ABHD17B: variants seen among roughly 807,000 people sequenced by gnomAD.
ABHD17B encodes the protein abhydrolase domain containing 17B, depalmitoylase, also known as alpha/beta hydrolase domain-containing protein 17B.
Under a neutral mutation model 26.2 loss-of-function variants are expected in ABHD17B, and 9 were observed. The ratio of observed to expected loss-of-function variants is 0.34; its 90% CI spans 0.21 to 0.60. ABHD17B has a LOEUF of 0.60. Among genes scored for constraint, ABHD17B ranks in the 20% least tolerant of loss-of-function variants. ABHD17B has a pLI of 0.80. For synonymous variants in ABHD17B, 127 were observed against 122.3 expected (o/e 1.04, Z -0.25); for missense variants, 224 against 352.1 (o/e 0.64, Z 2.91).
chr9:71,884,685 T>C (rs1305103589), intron 1 of ABHD17B, among the ~76,000 whole-genome samples: 5 of 149,622 alleles, frequency 3.3e-5, no homozygotes, highest in Admixed American at 6.7e-5. Context: ...CCTATGCTCA[T>C]AGATTGATGG....
intron 1 of ABHD17B, among the ~76,000 whole-genome samples, chr9:71,902,770 G>T (rs1180138429): frequency 1.3e-5 from 2 of 152,122 alleles, no homozygotes; most frequent in African/African-American, 4.8e-5. Flanking sequence ...ACAGTAATCA[G>T]AAACAAAATA....
intron 1 of ABHD17B, among the ~76,000 whole-genome samples, chr9:71,891,042 C>T (rs1245656146): frequency 6.6e-6 from 1 of 152,106 alleles, no homozygotes; most frequent in South Asian, 2.1e-4. Context: ...CCCCCCACCC[C>T]CTTACCCAAA....
chr9:71,862,887 C>T (rs1173255856), downstream of ABHD17B, among the ~76,000 whole-genome samples: 1 of 152,072 alleles, frequency 6.6e-6, no homozygotes, highest in Non-Finnish European at 1.5e-5. Context: ...GGTCCTCCCA[C>T]CTCAGACTCT....
intron 1 of ABHD17B, among the ~76,000 whole-genome samples, chr9:71,884,948 AG>A (rs779791728): frequency 6.6e-6 from 1 of 152,198 alleles, no homozygotes; most frequent in Non-Finnish European, 1.5e-5. Flanking sequence ...ACTATTACTT[AG>A]GTTTTTCATA....
chr9:71,895,633 C>G (rs1034580381), intron 1 of ABHD17B, among the ~76,000 whole-genome samples: 3 of 152,170 alleles, frequency 2.0e-5, no homozygotes, highest in African/African-American at 7.2e-5. Flanking sequence ...CTCTGAAACA[C>G]CAATCTGTCA....
At chr9:71,882,815 T>C (rs986081814) in intron 1 of ABHD17B, among the ~76,000 whole-genome samples, 1 of 152,090 alleles carries the variant, frequency 6.6e-6, no homozygotes, top group African/African-American at 2.4e-5. Context: ...ATTTGGGTGA[T>C]TGTTGCACAA....
chr9:71,905,354 G>A (rs1827253888), intron 1 of ABHD17B, among the ~76,000 whole-genome samples: 1 of 151,900 alleles, frequency 6.6e-6, no homozygotes, highest in African/African-American at 2.4e-5. Flanking sequence ...TATTTTTAAT[G>A]CCTACCAAGT....
chr9:71,870,461 C>T (rs1051876751), intron 2 of ABHD17B, among the ~76,000 whole-genome samples, 199 bp from the exon 3 acceptor site: 28 of 152,152 alleles, frequency 1.8e-4, no homozygotes, highest in South Asian at 4.1e-4. Context: ...TGTTTCTCTA[C>T]TTCATCTTTT....
At chr9:71,891,361 C>T (rs904647187) in intron 1 of ABHD17B, among the ~76,000 whole-genome samples, 2 of 152,122 alleles carry the variant, frequency 1.3e-5, no homozygotes, top group African/African-American at 2.4e-5. Flanking sequence ...TCTAAAGCCC[C>T]GAGTCTTTAC....
At position 71,865,630 on chromosome 9, in the gene ABHD17B, C is replaced by T; in HGVS notation, c.*1157G>A. The T allele has an allele frequency of 2.8e-5, 26 of 929,736 alleles. No homozygotes were observed. Among genetic ancestry groups the T allele is most frequent in the Non-Finnish European group, 3.3e-5 (26 of 779,562 alleles). The allele number at this position is 929,736 out of a possible 1,614,324, so 57.6% of individuals were successfully genotyped here. On this transcript the variant is annotated 3_prime_UTR_variant, in exon 4 of 4. Transcript: ENST00000333421. ...CCTGTAATTCCGACACTTTGGGAGG[C>T]CAAGGGCAGATCATGAGGTCAGGAG...
intron 1 of ABHD17B, among the ~76,000 whole-genome samples, chr9:71,879,741 G>A (rs1826386075): frequency 6.6e-6 from 1 of 152,202 alleles, no homozygotes; most frequent in Non-Finnish European, 1.5e-5. Context: ...CTTACAAAGT[G>A]TCAGGCACTA....
chr9:71,899,954 T>C (rs973632270), intron 1 of ABHD17B, among the ~76,000 whole-genome samples: 2 of 152,194 alleles, frequency 1.3e-5, no homozygotes, highest in Non-Finnish European at 2.9e-5. Flanking sequence ...GTAAATTCTT[T>C]AGGAGCCTTA....
intron 1 of ABHD17B, among the ~76,000 whole-genome samples, chr9:71,891,302 G>C (rs1826773628): frequency 6.6e-6 from 1 of 152,138 alleles, no homozygotes; most frequent in Non-Finnish European, 1.5e-5. Flanking sequence ...TTATCTAAAT[G>C]TGTGTTATTG....
At chr9:71,893,659 G>A (rs949863977) in intron 1 of ABHD17B, among the ~76,000 whole-genome samples, 5 of 152,102 alleles carry the variant, frequency 3.3e-5, no homozygotes, top group African/African-American at 9.7e-5. Flanking sequence ...TAACCTTCAC[G>A]CCCTCTCTCC....
At chr9:71,887,665 A>G (rs1336066377) in intron 1 of ABHD17B, among the ~76,000 whole-genome samples, 1 of 152,202 alleles carries the variant, frequency 6.6e-6, no homozygotes, top group Non-Finnish European at 1.5e-5. Flanking sequence ...AACCTTTGAA[A>G]CCCAGACAAT....
At chr9:71,900,351 T>C (rs1827095326) in intron 1 of ABHD17B, among the ~76,000 whole-genome samples, 1 of 152,200 alleles carries the variant, frequency 6.6e-6, no homozygotes, top group South Asian at 2.1e-4. Context: ...AACTCCTTGA[T>C]GGCTTCTCTC....
At chr9:71,889,134 G>A (rs953408445) in intron 1 of ABHD17B, among the ~76,000 whole-genome samples, 3 of 151,606 alleles carry the variant, frequency 2.0e-5, no homozygotes, top group Admixed American at 6.6e-5. Flanking sequence ...GGCCAATATA[G>A]TGAAACTCCA....
intron 1 of ABHD17B, among the ~76,000 whole-genome samples, chr9:71,883,927 A>T (rs1450744036): frequency 6.6e-6 from 1 of 151,552 alleles, no homozygotes; most frequent in Non-Finnish European, 1.5e-5. Flanking sequence ...ACAGAGCAAG[A>T]CTCTGTCTCA....
At chr9:71,880,679 A>T (rs527306012) in intron 1 of ABHD17B, among the ~76,000 whole-genome samples, 19 of 152,212 alleles carry the variant, frequency 1.2e-4, no homozygotes, top group South Asian at 1.0e-3. Flanking sequence ...AAAAATAGTT[A>T]AAAAAATTAT....
Sources: allele counts gnomAD v4.1 joint callset (sites outside exome capture counted in the v4.1 genomes callset), GRCh38; gene constraint gnomAD v4.1.1; transcripts MANE v1.5; gene names NCBI Gene and HGNC (gene_info 2026-07-23, HGNC 2026-07-21).